Variants in NKAIN2 observed in about 807,000 individuals in gnomAD.
NKAIN2 encodes the protein sodium/potassium-transporting ATPase subunit beta-1-interacting protein 2.
NKAIN2 carries 14 observed loss-of-function variants against 32.6 expected under a neutral mutation model. The observed-to-expected ratio is 0.43, with a 90% CI of 0.28 to 0.67. The LOEUF (loss-of-function observed/expected upper bound fraction) is 0.67, where lower values mean the gene tolerates loss of function less well. Ranked by LOEUF, NKAIN2 falls within the 30% of genes least tolerant of loss-of-function variation. The pLI is 0.17. For synonymous variants in NKAIN2, 80 were observed against 87.2 expected, an observed-to-expected ratio of 0.92 and a Z score of 0.46; for missense variants, 198 against 258.3, an observed-to-expected ratio of 0.77 and a Z score of 1.60.
chr6:124,801,746 CAAG>C (rs1780267764), intron 5 of NKAIN2, among the ~76,000 whole-genome samples: 1 of 152,112 alleles, frequency 6.6e-6, no homozygotes, highest in African/African-American at 2.4e-5. Context: ...GGAATGATTC[CAAG>C]AAGAACTCAT....
intron 4 of NKAIN2, among the ~76,000 whole-genome samples, chr6:124,697,084 G>A (rs775925936): frequency 1.6e-4 from 25 of 151,792 alleles, no homozygotes; most frequent in Non-Finnish European, 3.4e-4. Flanking sequence ...TTTTCCCCAG[G>A]GTTTTCTTTA....
chr6:124,752,122 A>G (rs1386250571), intron 4 of NKAIN2, among the ~76,000 whole-genome samples: 1 of 151,924 alleles, frequency 6.6e-6, no homozygotes, highest in East Asian at 1.9e-4. Context: ...TTTTACTAAC[A>G]ATTAAAAGGC....
chr6:124,737,292 G>C (rs934434166), intron 4 of NKAIN2, among the ~76,000 whole-genome samples: 1 of 151,834 alleles, frequency 6.6e-6, no homozygotes, highest in Non-Finnish European at 1.5e-5. Flanking sequence ...ATAAGTCAAT[G>C]AGTTCTCACA....
At chr6:123,941,230 C>T (rs544762706) in intron 1 of NKAIN2, among the ~76,000 whole-genome samples, 6 of 151,664 alleles carry the variant, frequency 4.0e-5, no homozygotes, top group South Asian at 2.1e-4. Flanking sequence ...CATTTCGTTC[C>T]GGGATTCTTC....
At chr6:124,412,131 C>G (rs1022589208) in intron 3 of NKAIN2, among the ~76,000 whole-genome samples, 1 of 152,014 alleles carries the variant, frequency 6.6e-6, no homozygotes, top group South Asian at 2.1e-4. Flanking sequence ...TTTGAACTTC[C>G]TCCTTTAGCT....
intron 3 of NKAIN2, among the ~76,000 whole-genome samples, chr6:124,364,250 AAGAG>A (rs1554288847): frequency 2.9e-5 from 4 of 139,738 alleles, no homozygotes; most frequent in African/African-American, 8.0e-5. Context: ...AAAAAAAAAA[AAGAG>A]AGAAAAGAAT....
intron 3 of NKAIN2, among the ~76,000 whole-genome samples, chr6:124,405,344 A>C (rs332601): frequency 5.3e-5 from 8 of 151,764 alleles, no homozygotes; most frequent in African/African-American, 1.9e-4. Flanking sequence ...GAGTCTAAGA[A>C]GCACAAATAA....
At chr6:123,970,892 AG>A (rs1203363938) in intron 1 of NKAIN2, among the ~76,000 whole-genome samples, 31 of 152,282 alleles carry the variant, frequency 2.0e-4, no homozygotes, top group African/African-American at 6.5e-4. Flanking sequence ...AAGAAAAAAA[AG>A]AAAAAAAGAA....
At chr6:124,575,740 G>A (rs1011010821) in intron 3 of NKAIN2, among the ~76,000 whole-genome samples, 4 of 152,124 alleles carry the variant, frequency 2.6e-5, no homozygotes, top group African/African-American at 7.2e-5. Flanking sequence ...AAGAAATGAA[G>A]CTCCAGGTGA....
chr6:124,687,278 A>C (rs1328348180), intron 4 of NKAIN2, among the ~76,000 whole-genome samples: 1 of 122,602 alleles, frequency 8.2e-6, no homozygotes, highest in African/African-American at 3.5e-5. Context: ...CTATATATAG[A>C]GAGAGAATAT....
chr6:124,394,664 A>C (rs988914158), intron 3 of NKAIN2, among the ~76,000 whole-genome samples: 1 of 152,030 alleles, frequency 6.6e-6, no homozygotes, highest in Non-Finnish European at 1.5e-5. Flanking sequence ...AAAAAAAAAA[A>C]AAAACAGTGT....
At chr6:124,452,795 T>G (rs1035003455) in intron 3 of NKAIN2, among the ~76,000 whole-genome samples, 1 of 152,132 alleles carries the variant, frequency 6.6e-6, no homozygotes, top group Non-Finnish European at 1.5e-5. Flanking sequence ...TGTTAAAAAT[T>G]TCATACATTG....
chr6:124,661,194 T>C (rs1347104256), intron 4 of NKAIN2, among the ~76,000 whole-genome samples: 2 of 152,218 alleles, frequency 1.3e-5, no homozygotes, highest in East Asian at 1.9e-4. Context: ...AGACAAAGAA[T>C]ATGGCTTATG....
At chr6:123,907,202 GA>G (rs1014984346) in intron 1 of NKAIN2, among the ~76,000 whole-genome samples, 2 of 151,628 alleles carry the variant, frequency 1.3e-5, no homozygotes, top group African/African-American at 4.8e-5. Context: ...AAATTCATAG[GA>G]AAAAAACGCT....
At chr6:123,818,247 A>T (rs1163764438) in intron 1 of NKAIN2, among the ~76,000 whole-genome samples, 1 of 152,124 alleles carries the variant, frequency 6.6e-6, no homozygotes, top group African/African-American at 2.4e-5. Context: ...AGGTCCAAGT[A>T]TGAGTTTTTA....
intron 3 of NKAIN2, among the ~76,000 whole-genome samples, chr6:124,583,477 C>A (rs920043580): frequency 6.6e-6 from 1 of 151,924 alleles, no homozygotes; most frequent in East Asian, 1.9e-4. Flanking sequence ...GAAAAGAATA[C>A]AAAAATCAAA....
intron 6 of NKAIN2, 136 bp from the exon 7 acceptor site, chr6:124,823,084 A>G: frequency 2.7e-6 from 2 of 738,680 alleles, no homozygotes; most frequent in African/African-American, 1.8e-5. Flanking sequence ...AAAATTATCT[A>G]TTTAAAACCC....
chr6:123,859,508 C>T (rs1775696523), intron 1 of NKAIN2, among the ~76,000 whole-genome samples: 1 of 151,842 alleles, frequency 6.6e-6, no homozygotes, highest in African/African-American at 2.4e-5. Flanking sequence ...AAGAGGCAGC[C>T]AATTCAGGAC....
chr6:124,337,586 C>T lies in NKAIN2; in HGVS notation c.193-17681C>T, dbSNP rs561498045. The stretch of plus-strand genomic sequence containing the variant: ...AGAATTCTGTAAGAGAAATGCAAAC[C>T]GAGTGATCACTGCCTCCTTGATTTG... On this transcript the variant is annotated intron_variant, in intron 2 of 6. Coordinates refer to ENST00000368417, the MANE Select transcript of NKAIN2 (RefSeq NM_001040214.3). Among the ~76,000 whole-genome samples the T allele has an allele frequency of 5.3e-5, 8 of 152,196 alleles. No homozygotes were observed. In the South Asian group the frequency reaches 1.5e-3, roughly 28 times the overall value.
Sources: allele counts gnomAD v4.1 joint callset (sites outside exome capture counted in the v4.1 genomes callset), GRCh38; gene constraint gnomAD v4.1.1; transcripts MANE v1.5; gene names NCBI Gene and HGNC (gene_info 2026-07-23, HGNC 2026-07-21).